The following AUTS2 variants were observed in gnomAD, a reference collection of about 807,000 sequenced individuals.
The protein encoded by AUTS2 is autism susceptibility gene 2 protein.
In AUTS2, 17 loss-of-function variants were observed where a neutral mutation model predicts 112.4. The observed-to-expected ratio is 0.15, with a 90% CI of 0.10 to 0.23. The LOEUF is 0.23. Ranked by LOEUF, AUTS2 falls within the 10% of genes least tolerant of loss-of-function variation. AUTS2 has a pLI of 1.00. For synonymous variants in AUTS2, 751 were observed against 702.7 expected (o/e 1.07, Z -1.09); for missense variants, 1,510 against 1,701.6 (o/e 0.89, Z 1.98).
At chr7:69,717,935 C>T (rs997805341) in intron 1 of AUTS2, among the ~76,000 whole-genome samples, 9 of 152,130 alleles carry the variant, frequency 5.9e-5, no homozygotes, top group Admixed American at 1.3e-4. Flanking sequence ...CTTACTGTCC[C>T]GGCCAGCAAA....
At chr7:70,284,704 G>C (rs943485902) in intron 4 of AUTS2, among the ~76,000 whole-genome samples, 4 of 152,164 alleles carry the variant, frequency 2.6e-5, no homozygotes, top group African/African-American at 9.7e-5. Flanking sequence ...AGGTTTTGAG[G>C]TAACTTTCTC....
At chr7:70,600,229 T>G (rs1464584965) in intron 5 of AUTS2, among the ~76,000 whole-genome samples, 2 of 152,210 alleles carry the variant, frequency 1.3e-5, no homozygotes, top group Non-Finnish European at 2.9e-5. Flanking sequence ...CACTTTAAAG[T>G]GTACAATTCA....
At chr7:69,769,056 C>G (rs966918144) in intron 1 of AUTS2, among the ~76,000 whole-genome samples, 9 of 152,300 alleles carry the variant, frequency 5.9e-5, no homozygotes, top group African/African-American at 1.2e-4. Flanking sequence ...CCCAAGTCTC[C>G]TGACACAGGG....
chr7:70,438,434 T>C lies in AUTS2; in HGVS notation c.690+2653T>C, dbSNP rs190437823. Among the ~76,000 whole-genome samples the C allele has an allele frequency of 5.4e-4, 82 of 152,276 alleles. No homozygotes were observed. The East Asian group carries it at 0.015, about 29-fold the overall frequency. On this transcript the variant is annotated intron_variant, in intron 5 of 18. Transcript: ENST00000342771. ...CCCCAGCCATTCTTCCTTTCTACTG[T>C]GGTGATCCTGCAGGTCTTAAGTGGG...
intron 1 of AUTS2, among the ~76,000 whole-genome samples, chr7:69,798,516 G>A (rs549631514): frequency 2.7e-4 from 41 of 151,714 alleles, no homozygotes; most frequent in African/African-American, 9.7e-4. Context: ...TTTTTGTTAT[G>A]TATCTTTTCT....
intron 2 of AUTS2, among the ~76,000 whole-genome samples, chr7:70,112,504 G>A (rs1460013089): frequency 2.0e-5 from 3 of 151,710 alleles, no homozygotes; most frequent in Non-Finnish European, 2.9e-5. Flanking sequence ...TCATTGTTTT[G>A]TTTTCTTGTT....
intron 1 of AUTS2, among the ~76,000 whole-genome samples, chr7:69,615,352 G>T (rs1029744357): frequency 2.0e-5 from 3 of 152,124 alleles, no homozygotes; most frequent in Admixed American, 6.5e-5. Flanking sequence ...GCCCAGGCTG[G>T]AGTGCAGTGG....
intron 2 of AUTS2, among the ~76,000 whole-genome samples, chr7:70,016,809 A>G (rs999624935): frequency 1.1e-4 from 16 of 152,006 alleles, no homozygotes; most frequent in Non-Finnish European, 2.1e-4. Flanking sequence ...CTGGGATTAC[A>G]GGCATGTGCC....
intron 1 of AUTS2, among the ~76,000 whole-genome samples, chr7:69,639,593 A>G (rs150116258): frequency 7.9e-4 from 120 of 152,298 alleles, no homozygotes; most frequent in Middle Eastern, 3.4e-3. Context: ...CATGTGGTCT[A>G]CCCTGTCTTT....
intron 2 of AUTS2, among the ~76,000 whole-genome samples, chr7:69,899,956 T>C (rs1296256114): frequency 6.6e-6 from 1 of 152,220 alleles, no homozygotes; most frequent in Non-Finnish European, 1.5e-5. Context: ...AGCTCAGATA[T>C]TGTGGCATCT....
intron 5 of AUTS2, among the ~76,000 whole-genome samples, chr7:70,651,056 T>C (rs1386320666): frequency 6.6e-6 from 1 of 152,212 alleles, no homozygotes; most frequent in Admixed American, 6.5e-5. Context: ...CTTGCTGATA[T>C]GAGTAATGAT....
intron 1 of AUTS2, among the ~76,000 whole-genome samples, chr7:69,879,337 A>C (rs1793940692): frequency 6.8e-6 from 1 of 146,084 alleles, no homozygotes. Flanking sequence ...TTTTGTAGAG[A>C]CGGGATTTTG....
chr7:70,461,503 C>G (rs1796962001), intron 5 of AUTS2, among the ~76,000 whole-genome samples: 1 of 152,148 alleles, frequency 6.6e-6, no homozygotes, highest in South Asian at 2.1e-4. Flanking sequence ...CACCATTTTC[C>G]TCTTAGGTGC....
Position 69,998,752 on chromosome 7 carries a change from G to A in AUTS2, c.522+99254G>A, listed in dbSNP as rs1304744370. ...ACACATAAATCTTAAAAGTATTTTG[G>A]AAGGTGAGGGATACTATTTAGAAAA... is the stretch of plus-strand genomic sequence containing the variant. On this transcript the variant is annotated intron_variant, in intron 2 of 18. Coordinates refer to ENST00000342771, the MANE Select transcript of AUTS2 (RefSeq NM_015570.4). 2.0e-5 allele frequency among the ~76,000 whole-genome samples: 3 copies of A among 152,270 alleles called. No homozygotes were observed. The East Asian group carries it at 5.8e-4, about 29-fold the overall frequency.
chr7:70,415,403 T>C (rs909481186), intron 4 of AUTS2, among the ~76,000 whole-genome samples: 19 of 152,240 alleles, frequency 1.2e-4, no homozygotes, highest in African/African-American at 4.6e-4. Flanking sequence ...TGTAAGCATA[T>C]TGCATAGTTT....
intron 4 of AUTS2, among the ~76,000 whole-genome samples, chr7:70,197,400 C>T (rs367936594): frequency 0.014 from 2,163 of 150,640 alleles, 19 homozygotes; most frequent in Middle Eastern, 0.037. Context: ...ACGCAGAAGA[C>T]GGGTGATTTC....
At chr7:69,711,988 T>C (rs1255117716) in intron 1 of AUTS2, among the ~76,000 whole-genome samples, 1 of 152,190 alleles carries the variant, frequency 6.6e-6, no homozygotes, top group African/African-American at 2.4e-5. Flanking sequence ...TAATCAGCCT[T>C]ACTCATAGGT....
chr7:70,643,878 A>T (rs1585427197), intron 5 of AUTS2, among the ~76,000 whole-genome samples: 2 of 151,950 alleles, frequency 1.3e-5, no homozygotes, highest in East Asian at 3.9e-4. Flanking sequence ...AGTGCTATGT[A>T]TTTTACCTCT....
intron 5 of AUTS2, among the ~76,000 whole-genome samples, chr7:70,440,708 T>C (rs1330661845): frequency 6.6e-6 from 1 of 152,164 alleles, no homozygotes; most frequent in Non-Finnish European, 1.5e-5. Context: ...AAACCCCTTA[T>C]CCAAACATCA....
Sources: gnomAD v4.1 joint callset for allele counts (sites outside exome capture counted in the v4.1 genomes callset) on GRCh38, gnomAD v4.1.1 for gene constraint, MANE v1.5 for transcripts, NCBI Gene and HGNC (gene_info 2026-07-23, HGNC 2026-07-21) for gene names.